The following ZNF611 variants were observed in gnomAD, a reference collection of about 807,000 sequenced individuals.
ZNF611 encodes the protein zinc finger protein 611.
ZNF611 carries 6 observed loss-of-function variants against 8.9 expected under a neutral mutation model. The observed-to-expected ratio is 0.68, with a 90% CI of 0.37 to 1.34. The LOEUF (loss-of-function observed/expected upper bound fraction) is 1.34, where lower values mean the gene tolerates loss of function less well. Among genes scored for constraint, ZNF611 ranks in the 40% most tolerant of loss-of-function variants. The pLI is 0.02. For synonymous variants in ZNF611, 262 were observed against 279.7 expected, an observed-to-expected ratio of 0.94 and a Z score of 0.63; for missense variants, 874 against 841.3, an observed-to-expected ratio of 1.04 and a Z score of -0.48.
Position 52,729,999 on chromosome 19 carries a change from T to C in ZNF611, c.-215A>G, listed in dbSNP as rs948931504. On this transcript the variant is annotated 5_prime_UTR_variant, in exon 2 of 6. Transcript: ENST00000652185. ...TATATATGCATTGTCCTTCGTTATCTAGTCAACTGTGCAAAAAATATAGAA... is the reference window on the plus strand; with the variant it reads ...TATATATGCATTGTCCTTCGTTATCCAGTCAACTGTGCAAAAAATATAGAA... The C allele has an allele frequency of 6.6e-6, 1 of 152,186 alleles. No homozygotes were observed. Among genetic ancestry groups the C allele is most frequent in the Non-Finnish European group, 1.5e-5 (1 of 68,034 alleles). 9.4% of individuals were successfully genotyped at this position (152,186 alleles called of 1,614,324 possible). A position where few individuals can be genotyped will look rare whatever the true frequency, so the allele number is the denominator to read the frequency against.
At position 52,705,490 on chromosome 19, in the gene ZNF611, T is replaced by A. The variant is rs1286691807; in HGVS notation, c.1565A>T (p.Lys522Ile). 13 of 1,614,152 alleles carry A rather than the reference T, an allele frequency of 8.1e-6. No homozygotes were observed. The highest frequency in any genetic ancestry group is 1.1e-5 in the Non-Finnish European group (13 of 1,180,012). ...TATCTTATGTGTCTCAAGGCTTGAT[T>A]TACGACTGAAAACCTTTTCACATTC... is the stretch of plus-strand genomic sequence containing the variant. ...CDECEKVFSR[K>I]SSLETHKIGH... The change falls in exon 6 of 6, where the codon AAA becomes ATA. Residue 522 changes from lysine to isoleucine, a missense_variant. By Grantham distance (102) the Lys-to-Ile change is moderately radical (BLOSUM62 -3). Coordinates refer to ENST00000652185, the MANE Select transcript of ZNF611 (RefSeq NM_001161499.2).
At position 52,705,244 on chromosome 19, in the gene ZNF611, C is replaced by G; in HGVS notation, c.1811G>C (p.Ser604Thr). The part of the protein sequence containing the change: ...YKCNECSKTF[S>T]RRSSLHCHRR... ...ATGGCAATGAAGGGATGACCTGCGACTGAAGGTCTTGCTGCACTCATTACA... is the reference window on the plus strand; with the variant it reads ...ATGGCAATGAAGGGATGACCTGCGAGTGAAGGTCTTGCTGCACTCATTACA... Residue 604 changes from serine (S) to threonine (T), a missense_variant, in exon 6 of 6, where the codon AGT (serine) becomes ACT (threonine). Physicochemically the swap from Ser to Thr is moderately conservative, Grantham distance 58. Coordinates refer to ENST00000652185, the MANE Select transcript of ZNF611 (RefSeq NM_001161499.2). 6.2e-7 allele frequency: 1 copy of G among 1,614,124 alleles called. No homozygotes were observed. Among genetic ancestry groups the G allele is most frequent in the Non-Finnish European group, 8.5e-7 (1 of 1,180,016 alleles).
At chr19:52,716,768 AAAG>A (rs1172812351) in intron 3 of ZNF611, among the ~76,000 whole-genome samples, 2 of 152,098 alleles carry the variant, frequency 1.3e-5, no homozygotes, top group Non-Finnish European at 2.9e-5. Context: ...TAGAAACTCA[AAAG>A]AAGGACCCAG....
chr19:52,709,473 A>G (rs996381826), intron 5 of ZNF611, among the ~76,000 whole-genome samples: 12 of 152,026 alleles, frequency 7.9e-5, no homozygotes, highest in Admixed American at 3.9e-4. Flanking sequence ...GGGTTTCACC[A>G]TGTTGGCCAG....
chr19:52,726,311 A>G (rs1600331685), intron 3 of ZNF611, among the ~76,000 whole-genome samples: 2 of 152,306 alleles, frequency 1.3e-5, no homozygotes, highest in African/African-American at 4.8e-5. Flanking sequence ...GCGGCGGGAG[A>G]ATCGCTGAAC....
intron 3 of ZNF611, among the ~76,000 whole-genome samples, chr19:52,720,382 G>C: frequency 6.7e-6 from 1 of 148,558 alleles, no homozygotes; most frequent in African/African-American, 2.6e-5. Context: ...GGGCAGAGGC[G>C]CTCCCCACTT....
intron 2 of ZNF611, among the ~76,000 whole-genome samples, chr19:52,729,097 T>C (rs1298909448): frequency 3.3e-5 from 5 of 152,108 alleles, no homozygotes; most frequent in Non-Finnish European, 4.4e-5. Flanking sequence ...GTAAGGACTG[T>C]TTTTCCACTG....
At chr19:52,715,948 A>C in intron 3 of ZNF611, 35 bp from the exon 4 acceptor site, 1 of 1,609,320 alleles carries the variant, frequency 6.2e-7, no homozygotes, top group South Asian at 1.1e-5. Context: ...TCATGTTAGA[A>C]ATGACTCACT....
At chr19:52,725,561 CAA>C (rs1032370082) in intron 3 of ZNF611, among the ~76,000 whole-genome samples, 26 of 152,166 alleles carry the variant, frequency 1.7e-4, no homozygotes, top group African/African-American at 5.6e-4. Flanking sequence ...ACTTCAAACC[CAA>C]AAGGAAGCAA....
chr19:52,725,861 T>G (rs913260085), intron 3 of ZNF611, among the ~76,000 whole-genome samples: 1 of 151,846 alleles, frequency 6.6e-6, no homozygotes, highest in Non-Finnish European at 1.5e-5. Flanking sequence ...GGAGAGACCT[T>G]GCCCTTTAGA....
chr19:52,712,480 A>AAC (rs1555795375), intron 5 of ZNF611, among the ~76,000 whole-genome samples: 1 of 148,460 alleles, frequency 6.7e-6, no homozygotes, highest in East Asian at 2.0e-4. Flanking sequence ...AAAAAAAAAA[A>AAC]AAAAAAACAT....
At position 52,714,545 on chromosome 19, in the gene ZNF611, G is replaced by A. The variant is rs535226004; in HGVS notation, c.64-404C>T. ...TCTCCTAAAAATATAAAAATTAGCC[G>A]GGCATGGTAGAAGGCACCTGTAATC... On this transcript the variant is annotated intron_variant, in intron 4 of 5. Transcript: ENST00000652185. 1.3e-3 allele frequency among the ~76,000 whole-genome samples: 191 copies of A among 151,458 alleles called. 2 individuals are homozygous for A. The Middle Eastern group carries it at 0.02, about 16-fold the overall frequency.
At chr19:52,726,565 C>A (rs2062394688) in intron 3 of ZNF611, among the ~76,000 whole-genome samples, 1 of 151,944 alleles carries the variant, frequency 6.6e-6, no homozygotes, top group Non-Finnish European at 1.5e-5. Context: ...ACTACAGGTG[C>A]CCGCCACGAT....
At position 52,730,005 on chromosome 19, in the gene ZNF611, A is replaced by T. The variant is rs1044637804; in HGVS notation, c.-221T>A. 5.9e-5 allele frequency: 9 copies of T among 152,212 alleles called. No individual in the cohort carries two copies. Among genetic ancestry groups the T allele is most frequent in the African/African-American group, 1.4e-4 (6 of 41,444 alleles). The allele number at this position is 152,212 out of a possible 1,614,324, so 9.4% of individuals were successfully genotyped here. ...TGCATTGTCCTTCGTTATCTAGTCA[A>T]CTGTGCAAAAAATATAGAAAGTGTA... On this transcript the variant is annotated splice_region_variant and 5_prime_UTR_variant, in exon 2 of 6. The change creates a new upstream start codon in the 5' untranslated region. Transcript: ENST00000652185.
intron 3 of ZNF611, among the ~76,000 whole-genome samples, chr19:52,720,330 C>T (rs540995825): frequency 1.7e-3 from 261 of 152,306 alleles, no homozygotes; most frequent in Non-Finnish European, 3.2e-3. Flanking sequence ...GATTGCACAG[C>T]GGCCAGGCAG....
At chr19:52,726,179 T>C (rs1356379116) in intron 3 of ZNF611, among the ~76,000 whole-genome samples, 3 of 152,138 alleles carry the variant, frequency 2.0e-5, no homozygotes, top group African/African-American at 7.2e-5. Flanking sequence ...CTAGAGCCTT[T>C]GCTTGGGATG....
At position 52,704,615 on chromosome 19, in the gene ZNF611, C is replaced by G; in HGVS notation, c.*322G>C. On this transcript the variant is annotated 3_prime_UTR_variant, in exon 6 of 6. Transcript: ENST00000652185. ...CATTTATTACACTTGTAAGATCTCT[C>G]TTCATTATGGATTCTCCAATGATTT... 1 of 1,582,826 alleles carries G rather than the reference C, an allele frequency of 6.3e-7. No individual in the cohort carries two copies. The highest frequency in any genetic ancestry group is 8.7e-7 in the Non-Finnish European group (1 of 1,153,160).
rs576923561 is a variant in ZNF611 at position 52,704,090 on chromosome 19, TC to T, written c.*846del. 2.8e-3 allele frequency: 762 copies of T among 271,364 alleles called. 6 individuals are homozygous for T. The highest frequency in any genetic ancestry group is 0.016 in the African/African-American group (713 of 44,200). The allele number at this position is 271,364 out of a possible 1,614,324, so 16.8% of individuals were successfully genotyped here. A position where few individuals can be genotyped will look rare whatever the true frequency, so the allele number is the denominator to read the frequency against. On this transcript the variant is annotated 3_prime_UTR_variant, in exon 6 of 6. Coordinates refer to ENST00000652185, the MANE Select transcript of ZNF611 (RefSeq NM_001161499.2). ...CTCAAGTGACCTATGTGCCTTGGCC[TC>T]CCGACGTGCTGGGATTACAGGTCGG...
rs1263468341 is a variant in ZNF611, at chr19:52,706,062, T to C, written c.993A>G (p.Leu331=). The change falls in exon 6 of 6, where the codon CTA becomes CTG. Residue 331 remains leucine (L), a synonymous_variant. Transcript: ENST00000652185. Reference sequence around the variant, plus strand: ...CTCCAGTATCAATTGCCTTATCAATTAGAAGGGCTGAATTTTGACCAAAGA... The same window carrying C: ...CTCCAGTATCAATTGCCTTATCAATCAGAAGGGCTGAATTTTGACCAAAGA... The part of the protein sequence containing the change: ...GKIFGQNSAL[L]IDKAIDTGEN... 6.2e-7 allele frequency: 1 copy of C among 1,614,174 alleles called. No homozygotes were observed. The highest frequency in any genetic ancestry group is 8.5e-7 in the Non-Finnish European group (1 of 1,180,028).
Sources: gnomAD v4.1 joint callset for allele counts (sites outside exome capture counted in the v4.1 genomes callset) on GRCh38, gnomAD v4.1.1 for gene constraint, MANE v1.5 for transcripts, NCBI Gene and HGNC (gene_info 2026-07-23, HGNC 2026-07-21) for gene names.